Variants in PTPRM observed in about 807,000 individuals in gnomAD.
PTPRM encodes protein tyrosine phosphatase receptor type M.
PTPRM carries 47 observed loss-of-function variants against 186.7 expected under a neutral mutation model. The observed-to-expected ratio is 0.25, with a 90% CI of 0.20 to 0.32. The LOEUF (loss-of-function observed/expected upper bound fraction) is 0.32. Ranked by LOEUF, PTPRM falls within the 10% of genes least tolerant of loss-of-function variation. The pLI, the probability that PTPRM is intolerant of heterozygous loss-of-function variation, is 1.00. For synonymous variants in PTPRM, 668 were observed against 674.9 expected, an observed-to-expected ratio of 0.99 and a Z score of 0.16; for missense variants, 1,494 against 1,865.0, an observed-to-expected ratio of 0.80 and a Z score of 3.66.
chr18:8,213,474 C>T (rs909341937), intron 14 of PTPRM, among the ~76,000 whole-genome samples: 4 of 152,182 alleles, frequency 2.6e-5, no homozygotes, highest in Admixed American at 2.6e-4. Context: ...TTAAATCATG[C>T]TATAAATTCA....
chr18:7,767,494 G>A (rs1042076990), intron 1 of PTPRM, among the ~76,000 whole-genome samples: 8 of 152,074 alleles, frequency 5.3e-5, no homozygotes, highest in African/African-American at 1.9e-4. Flanking sequence ...GATGTAGAAT[G>A]GTCACATAAG....
chr18:7,998,839 G>A (rs1040867334), intron 7 of PTPRM, among the ~76,000 whole-genome samples: 1 of 152,054 alleles, frequency 6.6e-6, no homozygotes, highest in Non-Finnish European at 1.5e-5. Context: ...ATTTTTAATA[G>A]AGACAGGATT....
intron 2 of PTPRM, among the ~76,000 whole-genome samples, chr18:7,792,134 AG>A (rs2043372241): frequency 6.6e-6 from 1 of 152,246 alleles, no homozygotes; most frequent in Admixed American, 6.5e-5. Flanking sequence ...CAATACTAAA[AG>A]TAAACGGATT....
chr18:8,065,166 T>C (rs1239722493), intron 7 of PTPRM, among the ~76,000 whole-genome samples: 1 of 152,136 alleles, frequency 6.6e-6, no homozygotes, highest in Admixed American at 6.5e-5. Flanking sequence ...ACTGTAGTAG[T>C]AATAAAAGGT....
At chr18:7,578,636 ATT>A (rs545184765) in intron 1 of PTPRM, among the ~76,000 whole-genome samples, 12 of 136,450 alleles carry the variant, frequency 8.8e-5, no homozygotes, top group African/African-American at 1.9e-4. Flanking sequence ...CGCCTGGCCA[ATT>A]TTTTTTTTTT....
At chr18:8,372,901 A>C (rs1332686159) in intron 24 of PTPRM, among the ~76,000 whole-genome samples, 1 of 152,102 alleles carries the variant, frequency 6.6e-6, no homozygotes, top group Non-Finnish European at 1.5e-5. Context: ...TAAGCTGAAA[A>C]TGCACCTCTG....
At chr18:8,313,316 T>C (rs764601367) in intron 20 of PTPRM, among the ~76,000 whole-genome samples, 2 of 152,264 alleles carry the variant, frequency 1.3e-5, no homozygotes, top group Admixed American at 6.5e-5. Context: ...AGCTGGCTTT[T>C]ATCTGTTCTG....
chr18:7,848,498 G>A lies in PTPRM; in HGVS notation c.197-39608G>A, dbSNP rs535451439. ...GCTTAAAAATAAATTTTGTGGCTGAGGCTGGTGGCTCAAGCCTGTAATCCC... is the reference window on the plus strand; with the variant it reads ...GCTTAAAAATAAATTTTGTGGCTGAAGCTGGTGGCTCAAGCCTGTAATCCC... On this transcript the variant is annotated intron_variant, in intron 2 of 32. Coordinates refer to ENST00000580170, the MANE Select transcript of PTPRM (RefSeq NM_001105244.2). 6.2e-4 allele frequency among the ~76,000 whole-genome samples: 95 copies of A among 152,292 alleles called. 2 individuals are homozygous for A. The South Asian group carries it at 0.019, about 31-fold the overall frequency.
chr18:7,632,760 A>C (rs1307283195), intron 1 of PTPRM, among the ~76,000 whole-genome samples: 1 of 152,204 alleles, frequency 6.6e-6, no homozygotes, highest in Non-Finnish European at 1.5e-5. Flanking sequence ...GGAGAGTTAG[A>C]ATGGTCTCTC....
rs548276643 is a variant in PTPRM, at chr18:8,256,672, G to T, written c.2754+3258G>T. ...TACTTTTCCTTCATCTCCAGGGCTGGATAACTTTCTTACCATGTACCATAT... is the reference window on the plus strand; with the variant it reads ...TACTTTTCCTTCATCTCCAGGGCTGTATAACTTTCTTACCATGTACCATAT... On this transcript the variant is annotated intron_variant, in intron 19 of 32. Transcript: ENST00000580170. 5.3e-5 allele frequency among the ~76,000 whole-genome samples: 8 copies of T among 152,302 alleles called. No individual in the cohort carries two copies. In the South Asian group the frequency reaches 1.4e-3, roughly 28 times the overall value.
At chr18:7,733,463 A>G (rs2040703984) in intron 1 of PTPRM, among the ~76,000 whole-genome samples, 1 of 151,852 alleles carries the variant, frequency 6.6e-6, no homozygotes, top group Non-Finnish European at 1.5e-5. Flanking sequence ...TATGTGCCAC[A>G]TTTTCTTTAT....
At chr18:7,854,760 T>C (rs1353255468) in intron 2 of PTPRM, among the ~76,000 whole-genome samples, 1 of 151,098 alleles carries the variant, frequency 6.6e-6, no homozygotes, top group East Asian at 1.9e-4. Context: ...ACAACTGATA[T>C]ATGTTTTTAA....
rs114725192 is a variant in PTPRM, at chr18:7,809,464, C to T, written c.196+35193C>T. 4.3e-3 allele frequency among the ~76,000 whole-genome samples: 648 copies of T among 152,208 alleles called. 3 individuals are homozygous for T. Among genetic ancestry groups the T allele is most frequent in the African/African-American group, 0.015 (632 of 41,530 alleles). ...GGACCGCTCTTCTCCCCTAGACCAC[C>T]GCACTCACACCCCTTCTTCTCCAGC... On this transcript the variant is annotated intron_variant, in intron 2 of 32. Transcript: ENST00000580170.
intron 14 of PTPRM, among the ~76,000 whole-genome samples, chr18:8,217,162 A>T (rs1164198724): frequency 6.6e-6 from 1 of 152,216 alleles, no homozygotes. Flanking sequence ...TCTAAAGTGA[A>T]TCAGTTTATC....
chr18:8,133,520 G>A (rs1239650365), intron 13 of PTPRM, among the ~76,000 whole-genome samples: 4 of 152,168 alleles, frequency 2.6e-5, no homozygotes, highest in African/African-American at 4.8e-5. Flanking sequence ...GGTGCTCTAG[G>A]AGTTCAGCAG....
Position 8,337,780 on chromosome 18 carries a change from G to C in PTPRM, c.2957-5643G>C, listed in dbSNP as rs141150509. ...GCAGAGGGGGGTCTTGCGGGAGGAC[G>C]CTGGGAAGGAGCGTGAGGGAGATAG... On this transcript the variant is annotated intron_variant, in intron 22 of 32. Coordinates refer to ENST00000580170, the MANE Select transcript of PTPRM (RefSeq NM_001105244.2). Among the ~76,000 whole-genome samples the C allele has an allele frequency of 8.9e-3, 1,353 of 152,284 alleles. 6 individuals carry two copies. Among genetic ancestry groups the C allele is most frequent in the African/African-American group, 0.014 (593 of 41,560 alleles).
At chr18:8,275,961 A>T (rs138478769) in intron 19 of PTPRM, among the ~76,000 whole-genome samples, 147 of 152,052 alleles carry the variant, frequency 9.7e-4, no homozygotes, top group African/African-American at 3.4e-3. Context: ...CCTCTCTTGT[A>T]TCTCCTTGTT....
chr18:8,271,671 A>G (rs2094772650), intron 19 of PTPRM, among the ~76,000 whole-genome samples: 1 of 152,016 alleles, frequency 6.6e-6, no homozygotes, highest in Non-Finnish European at 1.5e-5. Context: ...TCAGTAGTTA[A>G]TAGGTCTGTT....
At chr18:8,405,448 G>A (rs551133638) in intron 32 of PTPRM, among the ~76,000 whole-genome samples, 5 of 152,288 alleles carry the variant, frequency 3.3e-5, no homozygotes, top group African/African-American at 9.6e-5. Context: ...CATCAGTTCC[G>A]TCCTCTGGGG....
Sources: allele counts gnomAD v4.1 joint callset (sites outside exome capture counted in the v4.1 genomes callset), GRCh38; gene constraint gnomAD v4.1.1; transcripts MANE v1.5; gene names NCBI Gene and HGNC (gene_info 2026-07-23, HGNC 2026-07-21).